Variants in CACNB2 observed in about 807,000 individuals in gnomAD.
CACNB2 encodes the protein calcium voltage-gated channel auxiliary subunit beta 2, also known as voltage-dependent L-type calcium channel subunit beta-2.
Under a neutral mutation model 73.3 loss-of-function variants are expected in CACNB2, and 42 were observed. That is an observed-to-expected ratio of 0.57 (90% CI 0.45 to 0.74). The LOEUF (loss-of-function observed/expected upper bound fraction) is 0.74, where lower values mean the gene tolerates loss of function less well. Ranked by LOEUF, CACNB2 falls within the 30% of genes least tolerant of loss-of-function variation. The pLI is 0.00. For synonymous variants in CACNB2, 348 were observed against 310.3 expected (o/e 1.12, Z -1.28); for missense variants, 940 against 853.0 (o/e 1.10, Z -1.27).
chr10:18,399,235 A>G (rs1044129775), intron 2 of CACNB2, among the ~76,000 whole-genome samples: 1 of 152,148 alleles, frequency 6.6e-6, no homozygotes, highest in Non-Finnish European at 1.5e-5. Flanking sequence ...CTGTGCTGCT[A>G]CTACTATAAG....
chr10:18,246,131 T>C (rs1310706827), intron 2 of CACNB2, among the ~76,000 whole-genome samples: 1 of 152,048 alleles, frequency 6.6e-6, no homozygotes, highest in Non-Finnish European at 1.5e-5. Context: ...ACACACCAAT[T>C]CTCTATTCAG....
At chr10:18,353,205 T>C (rs1166500229) in intron 2 of CACNB2, among the ~76,000 whole-genome samples, 1 of 152,004 alleles carries the variant, frequency 6.6e-6, no homozygotes, top group Admixed American at 6.6e-5. Flanking sequence ...AGGTCAGGAG[T>C]TCGAGACCAC....
intron 2 of CACNB2, among the ~76,000 whole-genome samples, chr10:18,363,409 C>G (rs550490469): frequency 6.6e-6 from 1 of 152,184 alleles, no homozygotes; most frequent in Non-Finnish European, 1.5e-5. Context: ...GAAATCCTGT[C>G]GCCCCATGGG....
intron 3 of CACNB2, among the ~76,000 whole-genome samples, chr10:18,468,070 C>T (rs2047992893): frequency 6.6e-6 from 1 of 152,056 alleles, no homozygotes; most frequent in African/African-American, 2.4e-5. Flanking sequence ...AACAGCATAC[C>T]TTTACCAGGC....
intron 3 of CACNB2, among the ~76,000 whole-genome samples, chr10:18,470,372 TTATA>T (rs1302394466): frequency 2.0e-5 from 3 of 149,148 alleles, no homozygotes; most frequent in African/African-American, 7.3e-5. Flanking sequence ...ATTGCATATA[TTATA>T]TATAGACTAT....
chr10:18,428,007 C>G (rs74670480), intron 3 of CACNB2, among the ~76,000 whole-genome samples: 1,977 of 152,000 alleles, frequency 0.013, 49 homozygotes, highest in African/African-American at 0.046. Flanking sequence ...TTTTGAGAAC[C>G]TGGTTTTCTG....
intron 2 of CACNB2, among the ~76,000 whole-genome samples, chr10:18,198,054 T>G (rs2034705946): frequency 6.8e-6 from 1 of 147,992 alleles, no homozygotes; most frequent in South Asian, 2.1e-4. Flanking sequence ...TATACATAAA[T>G]AATAAATGTT....
intron 2 of CACNB2, among the ~76,000 whole-genome samples, chr10:18,227,581 C>G (rs1332922779): frequency 6.6e-6 from 1 of 152,096 alleles, no homozygotes; most frequent in Non-Finnish European, 1.5e-5. Flanking sequence ...TTTGTTGGAA[C>G]TGGGTGATTT....
chr10:18,529,444 G>A (rs1270672520), intron 10 of CACNB2, among the ~76,000 whole-genome samples: 2 of 152,190 alleles, frequency 1.3e-5, no homozygotes, highest in Non-Finnish European at 2.9e-5. Context: ...AGGGTGATGA[G>A]CAAAGTGGTC....
intron 2 of CACNB2, among the ~76,000 whole-genome samples, chr10:18,266,911 C>G (rs1399286474): frequency 1.3e-5 from 2 of 151,978 alleles, no homozygotes; most frequent in East Asian, 3.9e-4. Flanking sequence ...TAAGTATGAG[C>G]TATACACTTA....
chr10:18,141,264 C>G (rs571955824), intron 1 of CACNB2: 17 of 1,399,858 alleles, frequency 1.2e-5, no homozygotes, highest in Non-Finnish European at 1.7e-5. Context: ...GCGCTTTCTA[C>G]GATGCCGACT....
At chr10:18,203,354 A>G (rs1222457919) in intron 2 of CACNB2, among the ~76,000 whole-genome samples, 1 of 152,194 alleles carries the variant, frequency 6.6e-6, no homozygotes, top group Non-Finnish European at 1.5e-5. Flanking sequence ...CTATCTGAAA[A>G]AGGGTTTTGT....
chr10:18,240,318 C>T (rs2131499763), intron 2 of CACNB2, among the ~76,000 whole-genome samples: 2 of 152,200 alleles, frequency 1.3e-5, no homozygotes, highest in Admixed American at 1.3e-4. Context: ...TCTTTTCTTC[C>T]TGTATAAAAC....
At chr10:18,298,107 G>A (rs1327107278) in intron 2 of CACNB2, among the ~76,000 whole-genome samples, 5 of 152,044 alleles carry the variant, frequency 3.3e-5, no homozygotes, top group African/African-American at 4.8e-5. Context: ...ACTGGCTCAC[G>A]CCTGTAATCC....
intron 10 of CACNB2, among the ~76,000 whole-genome samples, chr10:18,528,928 C>CTCAT: frequency 6.6e-6 from 1 of 152,088 alleles, no homozygotes; most frequent in South Asian, 2.1e-4. Context: ...GCACCTTGAC[C>CTCAT]TCATGGGCTC....
At chr10:18,537,766 G>C (rs1408464277) in intron 12 of CACNB2, among the ~76,000 whole-genome samples, 1 of 152,092 alleles carries the variant, frequency 6.6e-6, no homozygotes, top group African/African-American at 2.4e-5. Flanking sequence ...AACAGAGTAA[G>C]ACTCTGTCTC....
rs539562991 is a variant in CACNB2 at position 18,202,196 on chromosome 10, C to CA, written c.213+51226dup. On this transcript the variant is annotated intron_variant, in intron 2 of 13. Transcript: ENST00000324631. ...AGTGAAAAAGTTGGCTGACAACACA[C>CA]AAAAAGAGGTGAATTTGGAAGCCAT... 7.2e-5 allele frequency among the ~76,000 whole-genome samples: 11 copies of CA among 152,238 alleles called. No homozygotes were observed. In the East Asian group the frequency reaches 1.9e-3, roughly 27 times the overall value.
At chr10:18,433,510 G>T (rs939387343) in intron 3 of CACNB2, among the ~76,000 whole-genome samples, 2 of 152,168 alleles carry the variant, frequency 1.3e-5, no homozygotes, top group African/African-American at 4.8e-5. Context: ...CAACTCAGAA[G>T]CTTTGTATGA....
intron 2 of CACNB2, among the ~76,000 whole-genome samples, chr10:18,189,972 A>G (rs1338278934): frequency 1.3e-5 from 2 of 152,188 alleles, no homozygotes; most frequent in African/African-American, 4.8e-5. Flanking sequence ...GTTCATAAGT[A>G]TGTACGGAAA....
Sources: allele counts gnomAD v4.1 joint callset (sites outside exome capture counted in the v4.1 genomes callset), GRCh38; gene constraint gnomAD v4.1.1; transcripts MANE v1.5; gene names NCBI Gene and HGNC (gene_info 2026-07-23, HGNC 2026-07-21).